ZNF534: variants seen among roughly 807,000 people sequenced by gnomAD.
The protein encoded by ZNF534 is KRAB domain only 3.
A neutral mutation model predicts 13.6 loss-of-function variants in ZNF534; 19 were observed. The observed-to-expected ratio is 1.40, with a 90% CI of 0.97 to 2.05. The LOEUF (loss-of-function observed/expected upper bound fraction) is 2.05, where lower values mean the gene tolerates loss of function less well. Among genes scored for constraint, ZNF534 ranks in the 30% most tolerant of loss-of-function variants. ZNF534 has a pLI of 0.00. For synonymous variants in ZNF534, 244 were observed against 273.8 expected, an observed-to-expected ratio of 0.89 and a Z score of 1.07; for missense variants, 782 against 796.3, an observed-to-expected ratio of 0.98 and a Z score of 0.22.
intron 4 of ZNF534, among the ~76,000 whole-genome samples, chr19:52,436,085 C>T (rs953836203): frequency 2.0e-5 from 3 of 151,624 alleles, no homozygotes; most frequent in Middle Eastern, 3.2e-3. Flanking sequence ...TACAGGCTCC[C>T]GCCACCATGC....
intron 4 of ZNF534, among the ~76,000 whole-genome samples, chr19:52,447,626 G>C (rs1358882515): frequency 6.6e-6 from 1 of 152,080 alleles, no homozygotes; most frequent in Non-Finnish European, 1.5e-5. Context: ...TCTATTGATA[G>C]AGTCCTATGA....
chr19:52,431,602 C>T (rs563661138), intron 2 of ZNF534, 113 bp downstream of exon 2: 1 of 1,375,332 alleles, frequency 7.3e-7, no homozygotes, highest in East Asian at 2.4e-5. Context: ...TTTCATTGCA[C>T]TTACCCATGG....
At chr19:52,451,316 T>G (rs777159034) in exon 5 of ZNF534, 1 of 1,152,200 alleles carries the variant, frequency 8.7e-7, no homozygotes. Context: ...CCCCTCGCTC[T>G]GCTACCATTT....
downstream of ZNF534, among the ~76,000 whole-genome samples, chr19:52,444,985 A>G (rs1188411336): frequency 6.6e-6 from 1 of 152,038 alleles, no homozygotes; most frequent in East Asian, 1.9e-4. Context: ...GAGTCTGCAC[A>G]CTGGATTCAC....
rs2059145901 is a variant in ZNF534, at chr19:52,438,513, G to GTTC, written c.1053_1054insTTC (p.Glu351_Arg352insPhe). 3.1e-6 allele frequency: 5 copies of GTTC among 1,587,902 alleles called. No homozygotes were observed. Among genetic ancestry groups the GTTC allele is most frequent in the Non-Finnish European group, 4.3e-6 (5 of 1,166,308 alleles). Reference sequence around the variant, plus strand: ...CTCATCAGACAGTTCATACTGGAGAGAGACCATACAAATGTAATGAATGTG... The same window carrying GTTC: ...CTCATCAGACAGTTCATACTGGAGAGTTCAGACCATACAAATGTAATGAATGTG... On this transcript the variant is annotated inframe_insertion, in exon 5 of 5. Coordinates refer to ENST00000433050, the MANE Select transcript of ZNF534 (RefSeq NM_001143938.3).
chr19:52,451,808 T>C, exon 5 of ZNF534: 1 of 724,430 alleles, frequency 1.4e-6, no homozygotes, highest in Non-Finnish European at 2.5e-6. Context: ...AAAGAAAAGT[T>C]TGAAGTCAAA....
chr19:52,429,815 G>A (rs543929362), intron 1 of ZNF534, among the ~76,000 whole-genome samples: 129 of 151,950 alleles, frequency 8.5e-4, no homozygotes, highest in Non-Finnish European at 1.5e-3. Context: ...GGCTGGTCTC[G>A]AACTCCTGAC....
intron 2 of ZNF534, among the ~76,000 whole-genome samples, chr19:52,432,358 C>A (rs897143160): frequency 6.6e-6 from 1 of 152,112 alleles, no homozygotes; most frequent in Non-Finnish European, 1.5e-5. Flanking sequence ...CTGTCTGATT[C>A]TTTAGGTTTG....
At chr19:52,449,112 C>A (rs1408775851) in intron 4 of ZNF534, among the ~76,000 whole-genome samples, 2 of 152,124 alleles carry the variant, frequency 1.3e-5, no homozygotes, top group African/African-American at 4.8e-5. Context: ...ATTGTCTTTT[C>A]TGTACGTGGT....
chr19:52,430,205 A>G (rs1054989624), intron 1 of ZNF534, among the ~76,000 whole-genome samples: 1 of 148,258 alleles, frequency 6.7e-6, no homozygotes, highest in Non-Finnish European at 1.5e-5. Context: ...TAGTACAGAC[A>G]GGGTTTGACC....
chr19:52,432,615 T>C (rs1475767383), intron 2 of ZNF534, among the ~76,000 whole-genome samples: 1 of 152,086 alleles, frequency 6.6e-6, no homozygotes. Context: ...ATTTTCACCA[T>C]TTTTTATTTA....
At position 52,439,181 on chromosome 19, in the gene ZNF534, G is replaced by A. The variant is rs771961052; in HGVS notation, c.1721G>A (p.Gly574Glu). Reference protein sequence around the residue: ...HLARHRNIHTGEKPHSCNECG... With the variant: ...HLARHRNIHTEEKPHSCNECG... Reference sequence around the variant, plus strand: ...GCGCGACATAGGAATATTCATACTGGAGAGAAGCCTCACAGTTGTAATGAA... The same window carrying A: ...GCGCGACATAGGAATATTCATACTGAAGAGAAGCCTCACAGTTGTAATGAA... The change falls in exon 5 of 5, where the codon GGA (glycine) becomes GAA (glutamate). Residue 574 changes from glycine (G) to glutamate (E), a missense_variant. Physicochemically the swap from Gly to Glu is moderately conservative, Grantham distance 98. Around this residue, in one of 5 missense-constraint regions of ZNF534, gnomAD observed 591 missense variants for 574.0 expected, o/e 1.03. Transcript: ENST00000433050. 24 of 1,543,080 alleles carry A rather than the reference G, an allele frequency of 1.6e-5. No homozygotes were observed. In the African/African-American group the frequency reaches 2.6e-4, roughly 17 times the overall value.
Position 52,442,252 on chromosome 19 carries a change from T to A in ZNF534, c.*2806T>A, listed in dbSNP as rs999881747. 6.6e-6 allele frequency among the ~76,000 whole-genome samples: 1 copy of A among 152,078 alleles called. No individual in the cohort carries two copies. The highest frequency in any genetic ancestry group is 2.4e-5 in the African/African-American group (1 of 41,384). On this transcript the variant is annotated 3_prime_UTR_variant, in exon 5 of 5. Coordinates refer to ENST00000433050, the MANE Select transcript of ZNF534 (RefSeq NM_001143938.3). ...ATGGGCATGACACCCATGCTGAAGG[T>A]CGTTGGTTTACCAGAATGATGGCAA... is the stretch of plus-strand genomic sequence containing the variant.
intron 4 of ZNF534, among the ~76,000 whole-genome samples, chr19:52,449,328 C>G (rs1251287317): frequency 6.7e-6 from 1 of 150,166 alleles, no homozygotes; most frequent in East Asian, 2.0e-4. Context: ...GCAGATATCA[C>G]TTTGATATCC....
intron 3 of ZNF534, 111 bp from the exon 4 acceptor site, chr19:52,434,970 T>A: frequency 1.5e-6 from 2 of 1,345,904 alleles, no homozygotes; most frequent in Non-Finnish European, 2.0e-6. Flanking sequence ...GTGGTTGAAT[T>A]TGTGAAATAT....
At chr19:52,437,285 C>G (rs949274839) in intron 4 of ZNF534, among the ~76,000 whole-genome samples, 1 of 152,168 alleles carries the variant, frequency 6.6e-6, no homozygotes, top group African/African-American at 2.4e-5. Flanking sequence ...AATCACCTCA[C>G]TCCCTTGTGT....
rs2059138324 is a variant in ZNF534, at chr19:52,437,855, G to A, written c.395G>A (p.Cys132Tyr). The change falls in exon 5 of 5, where the codon TGT becomes TAT. Residue 132 changes from cysteine to tyrosine, a missense_variant. Physicochemically the swap from Cys to Tyr is radical, Grantham distance 194 (BLOSUM62 -2). Transcript: ENST00000433050. The part of the protein sequence containing the change: ...PFQAVRNIYG[C>Y]KHVEKSISDN... ...CAAGCTGTAAGGAATATTTATGGAT[G>A]TAAGCATGTTGAGAAATCTATCAGT... is the stretch of plus-strand genomic sequence containing the variant. 1.9e-6 allele frequency: 3 copies of A among 1,613,834 alleles called. No homozygotes were observed. Among genetic ancestry groups the A allele is most frequent in the Non-Finnish European group, 2.5e-6 (3 of 1,179,842 alleles).
rs1215641215 is a variant in ZNF534 at position 52,431,290 on chromosome 19, C to A, written c.-67-118C>A. ...TGTTGATTTTCCTGTGGGAGATCAACAGTAGGCAGCAGAGGACCATCCTTC... is the reference window on the plus strand; with the variant it reads ...TGTTGATTTTCCTGTGGGAGATCAAAAGTAGGCAGCAGAGGACCATCCTTC... On this transcript the variant is annotated intron_variant, in intron 1 of 4. Transcript: ENST00000433050. 4.1e-6 allele frequency: 3 copies of A among 726,604 alleles called. No individual in the cohort carries two copies. The East Asian group carries it at 8.2e-5, about 20-fold the overall frequency. The allele number at this position is 726,604 out of a possible 1,614,324, so 45.0% of individuals were successfully genotyped here.
rs749804564 is a variant in ZNF534, at chr19:52,438,708, C to A, written c.1248C>A (p.Gly416=). 1.7e-5 allele frequency: 27 copies of A among 1,584,946 alleles called. No homozygotes were observed. The highest frequency in any genetic ancestry group is 2.0e-5 in the Non-Finnish European group (23 of 1,164,892). Residue 416 remains glycine (G), a synonymous_variant, in exon 5 of 5, where the codon GGC becomes GGA. Transcript: ENST00000433050. ...GGRRYKCNEC[G]KAFRTCSDLT... ...GGCGTTACAAATGTAATGAATGTGG[C>A]AAAGCATTTAGAACGTGTTCAGATC...
Sources: gnomAD v4.1 joint callset for allele counts (sites outside exome capture counted in the v4.1 genomes callset) on GRCh38, gnomAD v4.1.1 for gene constraint, gnomAD v4.1.1 regional missense constraint, MANE v1.5 for transcripts, NCBI Gene and HGNC (gene_info 2026-07-23, HGNC 2026-07-21) for gene names.